Variants in SYT1 observed in about 807,000 individuals in gnomAD.
SYT1 encodes the protein synaptotagmin 1.
In SYT1, 8 loss-of-function variants were observed where a neutral mutation model predicts 44.8. That is an observed-to-expected ratio of 0.18 (90% confidence interval 0.10 to 0.32). The LOEUF (loss-of-function observed/expected upper bound fraction) is 0.32, where lower values mean the gene tolerates loss of function less well. Ranked by LOEUF, SYT1 falls within the 10% of genes least tolerant of loss-of-function variation. The pLI is 1.00. For synonymous variants in SYT1, 154 were observed against 188.8 expected, an observed-to-expected ratio of 0.82 and a Z score of 1.51; for missense variants, 286 against 509.3, an observed-to-expected ratio of 0.56 and a Z score of 4.22.
intron 3 of SYT1, among the ~76,000 whole-genome samples, chr12:79,101,998 T>A (rs1483093051): frequency 6.6e-6 from 1 of 152,144 alleles, no homozygotes; most frequent in Non-Finnish European, 1.5e-5. Flanking sequence ...ACAGATCACA[T>A]TCTCAAAATC....
intron 2 of SYT1, among the ~76,000 whole-genome samples, chr12:78,988,310 C>T (rs1318632267): frequency 6.7e-6 from 1 of 150,286 alleles, no homozygotes; most frequent in African/African-American, 2.4e-5. Context: ...ATGTTATATA[C>T]TATGTTATCT....
chr12:79,214,224 A>G (rs907669043), intron 3 of SYT1, among the ~76,000 whole-genome samples: 7 of 152,214 alleles, frequency 4.6e-5, no homozygotes, highest in African/African-American at 1.7e-4. Context: ...GTATGCACTA[A>G]GTAAAAAGAA....
At chr12:79,160,408 G>T (rs1870876688) in intron 3 of SYT1, among the ~76,000 whole-genome samples, 1 of 152,132 alleles carries the variant, frequency 6.6e-6, no homozygotes. Flanking sequence ...GGAAGTGGAT[G>T]AAGCCACTTA....
chr12:79,180,023 T>C (rs1003080607), intron 3 of SYT1, among the ~76,000 whole-genome samples: 9 of 152,048 alleles, frequency 5.9e-5, no homozygotes, highest in African/African-American at 2.2e-4. Flanking sequence ...TGATGTACTT[T>C]GTGCATGTTA....
At chr12:78,947,970 T>G (rs4627138) in intron 1 of SYT1, among the ~76,000 whole-genome samples, 106 of 151,860 alleles carry the variant, frequency 7.0e-4, no homozygotes, top group Non-Finnish European at 1.5e-3. Context: ...CAGCTATAGA[T>G]TTCAAGTTCA....
intron 9 of SYT1, among the ~76,000 whole-genome samples, chr12:79,381,164 CTA>C (rs1396725001): frequency 6.6e-6 from 1 of 152,170 alleles, no homozygotes; most frequent in Admixed American, 6.5e-5. Context: ...GAATGGCCTA[CTA>C]TATTATTATG....
At chr12:78,919,639 A>G (rs956936967) in intron 1 of SYT1, among the ~76,000 whole-genome samples, 5 of 151,980 alleles carry the variant, frequency 3.3e-5, no homozygotes, top group African/African-American at 1.2e-4. Context: ...ATGTATATTT[A>G]CTGCTTCCTT....
chr12:79,229,489 G>A (rs1435864893), intron 4 of SYT1, among the ~76,000 whole-genome samples: 1 of 152,164 alleles, frequency 6.6e-6, no homozygotes, highest in African/African-American at 2.4e-5. Flanking sequence ...AATATAGAAA[G>A]TGTGTCTGTG....
chr12:79,385,678 GT>G (rs1362755481), intron 9 of SYT1, among the ~76,000 whole-genome samples: 1 of 152,130 alleles, frequency 6.6e-6, no homozygotes, highest in Non-Finnish European at 1.5e-5. Context: ...TTAGGCCAGA[GT>G]TACCAACTGA....
rs191060182 is a variant in SYT1 at position 79,188,212 on chromosome 12, A to G, written c.-17-29291A>G. On this transcript the variant is annotated intron_variant, in intron 3 of 10. Coordinates refer to ENST00000261205, the MANE Select transcript of SYT1 (RefSeq NM_005639.3). ...ATCATATAGCATGTAATACAGTAAA[A>G]AACTCAACATACCAGAATATATTTT... Among the ~76,000 whole-genome samples the G allele has an allele frequency of 5.0e-4, 76 of 152,218 alleles. 1 individual carries two copies. Among genetic ancestry groups the G allele is most frequent in the Middle Eastern group, 3.4e-3 (1 of 294 alleles).
chr12:79,228,705 T>C (rs1210785579), intron 4 of SYT1, among the ~76,000 whole-genome samples: 1 of 152,206 alleles, frequency 6.6e-6, no homozygotes, highest in Non-Finnish European at 1.5e-5. Context: ...CTATTATTCT[T>C]GACTCCTTGA....
chr12:79,234,959 T>A (rs1017588352), intron 4 of SYT1, among the ~76,000 whole-genome samples: 1 of 152,198 alleles, frequency 6.6e-6, no homozygotes, highest in Non-Finnish European at 1.5e-5. Context: ...TCCACCCACC[T>A]TGGCCTCCCA....
intron 4 of SYT1, among the ~76,000 whole-genome samples, chr12:79,276,202 A>G (rs1878710397): frequency 6.6e-6 from 1 of 152,210 alleles, no homozygotes; most frequent in African/African-American, 2.4e-5. Context: ...CTCTCCAGCA[A>G]AGGATCCAAA....
intron 3 of SYT1, among the ~76,000 whole-genome samples, chr12:79,068,518 T>G (rs1260991521): frequency 6.6e-6 from 1 of 152,176 alleles, no homozygotes; most frequent in Non-Finnish European, 1.5e-5. Flanking sequence ...GAATAATAGT[T>G]ATGCTCTGGA....
chr12:79,145,106 T>C (rs554061941), intron 3 of SYT1, among the ~76,000 whole-genome samples: 90 of 152,298 alleles, frequency 5.9e-4, no homozygotes, highest in African/African-American at 2.1e-3. Context: ...AGCTAGATAA[T>C]GCATATAAAA....
At position 79,179,147 on chromosome 12, in the gene SYT1, GAT is replaced by G. The variant is rs1284049649; in HGVS notation, c.-17-38350_-17-38349del. 1.5e-4 allele frequency among the ~76,000 whole-genome samples: 7 copies of G among 45,620 alleles called. 1 individual carries two copies. In the East Asian group the frequency reaches 2.0e-3, roughly 13 times the overall value. 29.9% of individuals were successfully genotyped at this position (45,620 alleles called of 152,430 possible). ...ATATAGATATATAGATATAGATATAGATATATAGATATATAGATATAGATATA... is the reference window on the plus strand; with the variant it reads ...ATATAGATATATAGATATAGATATAGATATAGATATATAGATATAGATATA... On this transcript the variant is annotated intron_variant, in intron 3 of 10. Transcript: ENST00000261205.
intron 3 of SYT1, among the ~76,000 whole-genome samples, chr12:79,133,251 G>A (rs188854558): frequency 1.3e-5 from 2 of 152,220 alleles, no homozygotes; most frequent in African/African-American, 2.4e-5. Flanking sequence ...AGGTGCAGTG[G>A]CTCACACCTG....
intron 3 of SYT1, among the ~76,000 whole-genome samples, chr12:79,166,466 A>G (rs1871227689): frequency 6.6e-6 from 1 of 152,000 alleles, no homozygotes; most frequent in South Asian, 2.1e-4. Context: ...TGCAGAGACT[A>G]GGAGACAAAG....
At chr12:78,922,778 T>C (rs978966668) in intron 1 of SYT1, among the ~76,000 whole-genome samples, 4 of 152,002 alleles carry the variant, frequency 2.6e-5, no homozygotes, top group African/African-American at 9.7e-5. Flanking sequence ...AATGTTCTCT[T>C]TGAATTATAA....
Sources: gnomAD v4.1 joint callset for allele counts (sites outside exome capture counted in the v4.1 genomes callset) on GRCh38, gnomAD v4.1.1 for gene constraint, MANE v1.5 for transcripts, NCBI Gene and HGNC (gene_info 2026-07-23, HGNC 2026-07-21) for gene names.